NF2: variants seen among roughly 807,000 people sequenced by gnomAD.
NF2 encodes merlin.
Under a neutral mutation model 83.7 loss-of-function variants are expected in NF2, and 8 were observed. That is an observed-to-expected ratio of 0.10 (90% CI 0.06 to 0.17). The LOEUF is 0.17. NF2 is among the 10% of genes least tolerant of loss of function. The probability of loss-of-function intolerance (pLI) is 1.00; values close to 1 mark genes in which losing one functional copy is unlikely to be tolerated. For missense variants in NF2, 533 were observed against 744.4 expected (o/e 0.72, Z 3.31); for synonymous variants, 266 against 269.6 (o/e 0.99, Z 0.13).
At chr22:29,677,229 C>T (rs750173175) in intron 13 of NF2, among the ~76,000 whole-genome samples, 2 of 151,984 alleles carry the variant, frequency 1.3e-5, no homozygotes, top group Admixed American at 1.3e-4. Context: ...GTAAACACAG[C>T]GTTAAGGGAC....
At chr22:29,625,811 A>G (rs941841944) in intron 1 of NF2, among the ~76,000 whole-genome samples, 4 of 152,182 alleles carry the variant, frequency 2.6e-5, no homozygotes, top group Admixed American at 2.6e-4. Flanking sequence ...TTTCTCTTCC[A>G]ACTCTTTTGC....
intron 1 of NF2, among the ~76,000 whole-genome samples, chr22:29,627,592 G>C (rs1569274555): frequency 6.6e-6 from 1 of 152,174 alleles, no homozygotes; most frequent in Non-Finnish European, 1.5e-5. Context: ...TCATAGACTT[G>C]TGTGTGGTTG....
Position 29,619,386 on chromosome 22 carries a change from T to G in NF2, c.114+15274T>G, listed in dbSNP as rs112789448. On this transcript the variant is annotated intron_variant, in intron 1 of 15. Coordinates refer to ENST00000338641, the MANE Select transcript of NF2 (RefSeq NM_000268.4). The stretch of plus-strand genomic sequence containing the variant: ...ACCGCTGTGCTCTCCCATGGGTTTT[T>G]TTTGTTTGTTTGTTTGTTTGTTTGT... 3.4e-3 allele frequency among the ~76,000 whole-genome samples: 508 copies of G among 148,718 alleles called. 2 individuals are homozygous for G. Among genetic ancestry groups the G allele is most frequent in the Non-Finnish European group, 5.7e-3 (381 of 67,296 alleles).
intron 3 of NF2, 102 bp from the exon 4 acceptor site, chr22:29,642,100 T>C (rs2065826048): frequency 1.1e-6 from 1 of 928,122 alleles, no homozygotes; most frequent in Non-Finnish European, 1.8e-6. Flanking sequence ...CAGGCTGCTC[T>C]GGCAGCCCTC....
At chr22:29,670,972 A>C (rs1306305099) in intron 10 of NF2, among the ~76,000 whole-genome samples, 1 of 152,020 alleles carries the variant, frequency 6.6e-6, no homozygotes, top group Non-Finnish European at 1.5e-5. Context: ...TTGATGCATC[A>C]CGTAGAATGA....
intron 9 of NF2, among the ~76,000 whole-genome samples, chr22:29,666,695 G>A (rs1256703284): frequency 6.6e-6 from 1 of 152,024 alleles, no homozygotes; most frequent in East Asian, 1.9e-4. Flanking sequence ...AAAAAAGAGG[G>A]CCAGGCACAG....
At chr22:29,654,592 C>G in intron 4 of NF2, 65 bp from the exon 5 acceptor site, 1 of 1,368,882 alleles carries the variant, frequency 7.3e-7, no homozygotes, top group Middle Eastern at 1.8e-4. Context: ...ATTGGTCCAG[C>G]TCTGTTCAGA....
chr22:29,606,434 G>A (rs2064799312), intron 1 of NF2, among the ~76,000 whole-genome samples: 1 of 152,226 alleles, frequency 6.6e-6, no homozygotes, highest in South Asian at 2.1e-4. Context: ...TAGAGTGAGG[G>A]TATTTCTCAG....
At position 29,645,148 on chromosome 22, in the gene NF2, G is replaced by GA. The variant is rs956283671; in HGVS notation, c.447+2869dup. Among the ~76,000 whole-genome samples the GA allele has an allele frequency of 4.6e-5, 7 of 152,190 alleles. No homozygotes were observed. In the South Asian group the frequency reaches 8.3e-4, roughly 18 times the overall value. ...CCAGGAAGTAACTGTCATTTGTGGGGAAAAAAGGCTATACATGCTAGTCAG... is the reference window on the plus strand; with the variant it reads ...CCAGGAAGTAACTGTCATTTGTGGGGAAAAAAAGGCTATACATGCTAGTCAG... On this transcript the variant is annotated intron_variant, in intron 4 of 15. Transcript: ENST00000338641.
intron 3 of NF2, among the ~76,000 whole-genome samples, chr22:29,639,687 A>T (rs2065749028): frequency 2.0e-5 from 3 of 151,216 alleles, no homozygotes; most frequent in Non-Finnish European, 4.4e-5. Flanking sequence ...GATCGAGACC[A>T]TCTGGCTAAC....
At chr22:29,677,682 A>G (rs1425516784) in intron 13 of NF2, among the ~76,000 whole-genome samples, 1 of 152,130 alleles carries the variant, frequency 6.6e-6, no homozygotes, top group Non-Finnish European at 1.5e-5. Flanking sequence ...ACCCATTGCC[A>G]TACTTCCCGT....
At chr22:29,604,754 G>A (rs1157002442) in intron 1 of NF2, among the ~76,000 whole-genome samples, 1 of 152,138 alleles carries the variant, frequency 6.6e-6, no homozygotes, top group African/African-American at 2.4e-5. Flanking sequence ...CTAAAAGTGT[G>A]GTTTGTGGAC....
Position 29,695,717 on chromosome 22 carries a change from T to A in NF2, c.*915T>A, listed in dbSNP as rs1450990850. The A allele has an allele frequency of 4.3e-6, 1 of 233,526 alleles. No homozygotes were observed. The highest frequency in any genetic ancestry group is 2.2e-5 in the African/African-American group (1 of 45,310). 14.5% of individuals were successfully genotyped at this position (233,526 alleles called of 1,614,324 possible). The stretch of plus-strand genomic sequence containing the variant: ...GCCCTGTGGCTCCACAGGTGCTGCT[T>A]CTCACTGGCCCAGACTCTGAGCTCC... On this transcript the variant is annotated 3_prime_UTR_variant, in exon 16 of 16. Transcript: ENST00000338641. The surrounding 1 kb of genome is among the most constrained non-coding windows in gnomAD (Gnocchi z 5.4).
intron 14 of NF2, among the ~76,000 whole-genome samples, chr22:29,678,538 A>C (rs897912655): frequency 6.6e-6 from 1 of 152,102 alleles, no homozygotes; most frequent in African/African-American, 2.4e-5. Flanking sequence ...AAAAATAACA[A>C]TTTTTATCCA....
At position 29,636,570 on chromosome 22, in the gene NF2, T is replaced by C. The variant is rs2065652188; in HGVS notation, c.115-181T>C. On this transcript the variant is annotated intron_variant, in intron 1 of 15. Transcript: ENST00000338641. The surrounding 1 kb of genome is among the most constrained non-coding windows in gnomAD (Gnocchi z 4.4). ...CAGTGATTAAGCCATTAAGCTCTAATTGGTATTTTCCCACTCATGGGTTTG... is the reference window on the plus strand; with the variant it reads ...CAGTGATTAAGCCATTAAGCTCTAACTGGTATTTTCCCACTCATGGGTTTG... Among the ~76,000 whole-genome samples, 1 of 152,238 alleles carries C rather than the reference T, an allele frequency of 6.6e-6. No homozygotes were observed. The highest frequency in any genetic ancestry group is 2.4e-5 in the African/African-American group (1 of 41,462).
intron 4 of NF2, among the ~76,000 whole-genome samples, chr22:29,651,677 A>T (rs2083362769): frequency 6.6e-6 from 1 of 152,192 alleles, no homozygotes; most frequent in Admixed American, 6.5e-5. Context: ...TTGGAAGCAG[A>T]GTTAGTCCAG....
rs187926578 is a variant in NF2 at position 29,635,369 on chromosome 22, G to A, written c.115-1382G>A. On this transcript the variant is annotated intron_variant, in intron 1 of 15. Coordinates refer to ENST00000338641, the MANE Select transcript of NF2 (RefSeq NM_000268.4). The stretch of plus-strand genomic sequence containing the variant: ...GTTTGAGATGGAGTCTTGCTTTGTC[G>A]CCAGGCTGGAGTGCAGTGGCATGAT... 1.3e-3 allele frequency among the ~76,000 whole-genome samples: 193 copies of A among 152,052 alleles called. 1 individual carries two copies. The highest frequency in any genetic ancestry group is 1.1e-3 in the Non-Finnish European group (77 of 67,984).
intron 3 of NF2, among the ~76,000 whole-genome samples, chr22:29,639,647 G>C (rs544379595): frequency 1.2e-4 from 19 of 152,228 alleles, no homozygotes; most frequent in Admixed American, 7.8e-4. Context: ...CACTTTAGGA[G>C]GCCGAGGCGG....
intron 1 of NF2, among the ~76,000 whole-genome samples, chr22:29,604,419 C>T (rs191880464): frequency 6.6e-6 from 1 of 152,146 alleles, no homozygotes; most frequent in Non-Finnish European, 1.5e-5. Context: ...TTTATTCTTT[C>T]ATTAGGTAAT....
Sources: gnomAD v4.1 joint callset for allele counts (sites outside exome capture counted in the v4.1 genomes callset) on GRCh38, gnomAD v4.1.1 for gene constraint, Gnocchi (gnomAD v3.1) non-coding constraint, MANE v1.5 for transcripts, NCBI Gene and HGNC (gene_info 2026-07-23, HGNC 2026-07-21) for gene names.